KCNB2: variants seen among roughly 807,000 people sequenced by gnomAD.
The protein encoded by KCNB2 is delayed rectifier potassium channel protein.
KCNB2 carries 15 observed loss-of-function variants against 61.5 expected under a neutral mutation model. The observed-to-expected ratio is 0.24, with a 90% confidence interval of 0.16 to 0.38. The LOEUF (loss-of-function observed/expected upper bound fraction) is 0.38, where lower values mean the gene tolerates loss of function less well. Ranked by LOEUF, KCNB2 falls within the 10% of genes least tolerant of loss-of-function variation. The probability of loss-of-function intolerance (pLI) is 1.00; values close to 1 mark genes in which losing one functional copy is unlikely to be tolerated. For missense variants in KCNB2, 828 were observed against 1,125.2 expected (o/e 0.74, Z 3.78); for synonymous variants, 457 against 446.0 (o/e 1.02, Z -0.31).
chr8:72,911,161 A>G (rs1013357426), intron 2 of KCNB2, among the ~76,000 whole-genome samples: 1 of 152,176 alleles, frequency 6.6e-6, no homozygotes, highest in African/African-American at 2.4e-5. Context: ...TAAGGTCTCT[A>G]TCGAGCAGGA....
chr8:72,725,591 G>GTATGTGTATATATATA (rs1807631795), intron 2 of KCNB2, among the ~76,000 whole-genome samples: 65 of 51,928 alleles, frequency 1.3e-3, no homozygotes, highest in African/African-American at 4.1e-3. Context: ...ATATATGTAT[G>GTATGTGTATATATATA]TATATATATA....
At position 72,773,579 on chromosome 8, in the gene KCNB2, T is replaced by G. The variant is rs74525252; in HGVS notation, c.580-162356T>G. On this transcript the variant is annotated intron_variant, in intron 2 of 2. Transcript: ENST00000523207. ...GTAGAGGTTTTGCTCAGATTATTTT[T>G]GGTGTGGGATAGATTTAAGGGTACT... Among the ~76,000 whole-genome samples the G allele has an allele frequency of 7.4e-4, 113 of 152,336 alleles. 1 individual carries two copies. In the East Asian group the frequency reaches 0.02, roughly 28 times the overall value.
At chr8:72,765,142 C>T (rs1440347) in intron 2 of KCNB2, among the ~76,000 whole-genome samples, 101,861 of 151,982 alleles carry the variant, frequency 0.67, 34,612 homozygotes, top group East Asian at 0.77. Context: ...GGAAATGATG[C>T]CCTAAACTTT....
intron 2 of KCNB2, among the ~76,000 whole-genome samples, chr8:72,820,070 C>T (rs1165557793): frequency 6.6e-6 from 1 of 152,082 alleles, no homozygotes; most frequent in African/African-American, 2.4e-5. Flanking sequence ...TCTCCAGATA[C>T]CCATCCTTCA....
At chr8:72,920,457 C>CTATATATATATATATATATA (rs1286454103) in intron 2 of KCNB2, among the ~76,000 whole-genome samples, 21 of 68,448 alleles carry the variant, frequency 3.1e-4, no homozygotes, top group Admixed American at 6.0e-4. Flanking sequence ...ATCTATCTAT[C>CTATATATATATATATATATA]TATCTATCTA....
intron 2 of KCNB2, among the ~76,000 whole-genome samples, chr8:72,934,018 T>C (rs917142065): frequency 6.6e-6 from 1 of 152,118 alleles, no homozygotes; most frequent in Non-Finnish European, 1.5e-5. Flanking sequence ...CATTCTGAAA[T>C]GCATTATACT....
At chr8:72,792,037 A>G (rs949745945) in intron 2 of KCNB2, among the ~76,000 whole-genome samples, 1 of 152,206 alleles carries the variant, frequency 6.6e-6, no homozygotes. Flanking sequence ...GACATGGTTC[A>G]TGTTTACTAT....
chr8:72,810,926 A>G (rs1229590627), intron 2 of KCNB2, among the ~76,000 whole-genome samples: 1 of 152,226 alleles, frequency 6.6e-6, no homozygotes, highest in Admixed American at 6.5e-5. Context: ...AGTTATGGTC[A>G]TATGAATCAT....
intron 2 of KCNB2, among the ~76,000 whole-genome samples, chr8:72,855,637 A>AT (rs1182151099): frequency 6.6e-5 from 10 of 151,888 alleles, no homozygotes; most frequent in Non-Finnish European, 1.2e-4. Context: ...CAAATACATG[A>AT]TTTTTTTTCT....
chr8:72,757,393 G>A (rs1808307273), intron 2 of KCNB2, among the ~76,000 whole-genome samples: 1 of 152,198 alleles, frequency 6.6e-6, no homozygotes, highest in Non-Finnish European at 1.5e-5. Context: ...AAACATGGCT[G>A]TGAATGGAAA....
At chr8:72,546,256 C>T (rs1806256943) in intron 1 of KCNB2, among the ~76,000 whole-genome samples, 1 of 152,108 alleles carries the variant, frequency 6.6e-6, no homozygotes, top group African/African-American at 2.4e-5. Context: ...TGGCTCACGC[C>T]TGTAATCCCA....
rs1810264452 is a variant in KCNB2, at chr8:72,859,706, C to CTT, written c.580-76229_580-76228insTT. On this transcript the variant is annotated intron_variant, in intron 2 of 2. Transcript: ENST00000523207. ...TGTAGCATGGATCAGTACTTCATTT[C>CTT]GTTTTTTTTTTTTTTTTTTTTTTTT... is the stretch of plus-strand genomic sequence containing the variant. Among the ~76,000 whole-genome samples, 474 of 73,454 alleles carry CTT rather than the reference C, an allele frequency of 6.5e-3. 122 individuals carry two copies. Among genetic ancestry groups the CTT allele is most frequent in the Middle Eastern group, 0.03 (2 of 66 alleles). 48.2% of individuals were successfully genotyped at this position (73,454 alleles called of 152,430 possible). A position where few individuals can be genotyped will look rare whatever the true frequency, so the allele number is the denominator to read the frequency against.
chr8:72,811,698 T>A (rs1348497193), intron 2 of KCNB2, among the ~76,000 whole-genome samples: 1 of 152,126 alleles, frequency 6.6e-6, no homozygotes, highest in Non-Finnish European at 1.5e-5. Flanking sequence ...CAGCCTGCAG[T>A]GTGGCCATTC....
At chr8:72,701,580 A>G (rs1354289641) in intron 2 of KCNB2, among the ~76,000 whole-genome samples, 3 of 152,072 alleles carry the variant, frequency 2.0e-5, no homozygotes, top group East Asian at 1.9e-4. Context: ...CATTTTTTTC[A>G]TACTTTCTAG....
intron 2 of KCNB2, among the ~76,000 whole-genome samples, chr8:72,794,925 A>G (rs941305686): frequency 1.3e-5 from 2 of 149,242 alleles, no homozygotes; most frequent in Non-Finnish European, 3.0e-5. Flanking sequence ...TCTAATAGAG[A>G]AGTAACCACT....
At chr8:72,856,089 A>G (rs1293725142) in intron 2 of KCNB2, among the ~76,000 whole-genome samples, 1 of 152,216 alleles carries the variant, frequency 6.6e-6, no homozygotes, top group African/African-American at 2.4e-5. Flanking sequence ...GAACAGATAC[A>G]GAACTCATGA....
chr8:72,735,052 G>A (rs1254031986), intron 2 of KCNB2, among the ~76,000 whole-genome samples: 1 of 152,136 alleles, frequency 6.6e-6, no homozygotes, highest in Non-Finnish European at 1.5e-5. Flanking sequence ...ATGGAAAGCA[G>A]GGCCCCTTTG....
intron 2 of KCNB2, among the ~76,000 whole-genome samples, chr8:72,642,592 T>C (rs1453003655): frequency 6.6e-6 from 1 of 151,770 alleles, no homozygotes; most frequent in Non-Finnish European, 1.5e-5. Flanking sequence ...GTGGTGGAGG[T>C]TGGAGGCAGG....
At chr8:72,810,229 A>G (rs1809285080) in intron 2 of KCNB2, among the ~76,000 whole-genome samples, 1 of 152,230 alleles carries the variant, frequency 6.6e-6, no homozygotes, top group African/African-American at 2.4e-5. Context: ...CAGAGGTGAG[A>G]AAACAGGTGG....
Sources: allele counts gnomAD v4.1 joint callset (sites outside exome capture counted in the v4.1 genomes callset), GRCh38; gene constraint gnomAD v4.1.1; transcripts MANE v1.5; gene names NCBI Gene and HGNC (gene_info 2026-07-23, HGNC 2026-07-21).